MARCHF1: variants seen among roughly 807,000 people sequenced by gnomAD.
MARCHF1 encodes membrane associated ring-CH-type finger 1, also known as E3 ubiquitin-protein ligase MARCHF1.
Under a neutral mutation model 54.2 loss-of-function variants are expected in MARCHF1, and 40 were observed. The ratio of observed to expected loss-of-function variants is 0.74; its 90% CI spans 0.57 to 0.96. The LOEUF (loss-of-function observed/expected upper bound fraction) is 0.96. MARCHF1 is among the 40% of genes least tolerant of loss of function. MARCHF1 has a pLI of 0.00. For synonymous variants in MARCHF1, 236 were observed against 236.3 expected (o/e 1.00, Z 0.01); for missense variants, 586 against 656.5 (o/e 0.89, Z 1.17).
At chr4:164,151,253 T>C (rs746842125) in intron 1 of MARCHF1, among the ~76,000 whole-genome samples, 1 of 152,154 alleles carries the variant, frequency 6.6e-6, no homozygotes, top group Non-Finnish European at 1.5e-5. Flanking sequence ...AAGACAGTTC[T>C]AAGGAGAAAA....
At chr4:163,776,336 CTCTCTG>C (rs890344758) in intron 4 of MARCHF1, among the ~76,000 whole-genome samples, 18 of 151,540 alleles carry the variant, frequency 1.2e-4, no homozygotes, top group South Asian at 2.1e-4. Context: ...TTCTGTCTCT[CTCTCTG>C]TCTCTGTCTC....
At chr4:164,110,151 C>T (rs1195320007) in intron 2 of MARCHF1, among the ~76,000 whole-genome samples, 2 of 150,912 alleles carry the variant, frequency 1.3e-5, no homozygotes, top group Non-Finnish European at 3.0e-5. Context: ...CACACACACA[C>T]ACACACAGGT....
At chr4:163,682,440 C>T (rs1428943362) in intron 5 of MARCHF1, among the ~76,000 whole-genome samples, 1 of 152,170 alleles carries the variant, frequency 6.6e-6, no homozygotes, top group African/African-American at 2.4e-5. Context: ...TGTGGCAGCA[C>T]CTCCCATCAC....
chr4:164,263,780 CA>C (rs1378156914), intron 1 of MARCHF1, among the ~76,000 whole-genome samples: 2 of 152,114 alleles, frequency 1.3e-5, no homozygotes, highest in Admixed American at 6.5e-5. Context: ...AAATGCATAT[CA>C]AAACCATAAT....
At chr4:163,799,489 G>A (rs1748017609) in intron 4 of MARCHF1, among the ~76,000 whole-genome samples, 1 of 152,006 alleles carries the variant, frequency 6.6e-6, no homozygotes, top group Non-Finnish European at 1.5e-5. Flanking sequence ...GCTAAATCAG[G>A]CAAGTGTGAA....
chr4:163,668,586 G>A (rs1187953254), intron 5 of MARCHF1, among the ~76,000 whole-genome samples: 4 of 152,094 alleles, frequency 2.6e-5, no homozygotes, highest in African/African-American at 9.7e-5. Flanking sequence ...ATACATGTGG[G>A]ATGGAAACTG....
chr4:163,834,440 T>G (rs1749118593), intron 4 of MARCHF1, among the ~76,000 whole-genome samples: 4 of 152,168 alleles, frequency 2.6e-5, no homozygotes, highest in Non-Finnish European at 5.9e-5. Flanking sequence ...TTTCACATAT[T>G]GGATCTTTTT....
intron 1 of MARCHF1, among the ~76,000 whole-genome samples, chr4:164,161,941 A>G (rs772850776): frequency 6.6e-6 from 1 of 152,166 alleles, no homozygotes; most frequent in Non-Finnish European, 1.5e-5. Flanking sequence ...ATTTGGAGAA[A>G]CCCATGTTTA....
At chr4:164,124,682 G>A (rs1285197993) in intron 1 of MARCHF1, among the ~76,000 whole-genome samples, 1 of 152,042 alleles carries the variant, frequency 6.6e-6, no homozygotes, top group African/African-American at 2.4e-5. Flanking sequence ...GCACAAAAAG[G>A]CAAACATTGC....
Position 164,076,142 on chromosome 4 carries a change from C to T in MARCHF1, c.-248+35446G>A, listed in dbSNP as rs1424766474. On this transcript the variant is annotated intron_variant, in intron 2 of 9. Coordinates refer to ENST00000514618, the MANE Select transcript of MARCHF1 (RefSeq NM_001394959.1). ...ATTCAAACAAATAATTTTCTAACAA[C>T]AACAACAACAACAACAACAACAACA... Among the ~76,000 whole-genome samples, 4 of 95,234 alleles carry T rather than the reference C, an allele frequency of 4.2e-5. 1 individual carries two copies. The highest frequency in any genetic ancestry group is 8.7e-5 in the Non-Finnish European group (4 of 45,806). 62.5% of individuals were successfully genotyped at this position (95,234 alleles called of 152,430 possible). A position where few individuals can be genotyped will look rare whatever the true frequency, so the allele number is the denominator to read the frequency against.
At chr4:164,300,598 G>A (rs957547949) in intron 1 of MARCHF1, among the ~76,000 whole-genome samples, 1 of 152,094 alleles carries the variant, frequency 6.6e-6, no homozygotes, top group African/African-American at 2.4e-5. Flanking sequence ...CCAAGCTATA[G>A]GGGAGTGATC....
At chr4:163,644,259 T>C (rs1204660062) in intron 5 of MARCHF1, among the ~76,000 whole-genome samples, 2 of 152,096 alleles carry the variant, frequency 1.3e-5, no homozygotes, top group Non-Finnish European at 1.5e-5. Flanking sequence ...CATTGCAAAA[T>C]GTACTGTTGT....
intron 3 of MARCHF1, among the ~76,000 whole-genome samples, chr4:163,954,698 G>A (rs748189886): frequency 1.3e-5 from 2 of 152,122 alleles, no homozygotes; most frequent in Non-Finnish European, 2.9e-5. Context: ...ATTTGAATGT[G>A]TTTATAAATC....
chr4:163,817,557 G>C (rs1480853108), intron 4 of MARCHF1, among the ~76,000 whole-genome samples: 1 of 151,850 alleles, frequency 6.6e-6, no homozygotes, highest in Non-Finnish European at 1.5e-5. Flanking sequence ...TAGGTAATGA[G>C]ATCTACTTTC....
chr4:163,658,216 C>A (rs371022277), intron 5 of MARCHF1, among the ~76,000 whole-genome samples: 3 of 112,650 alleles, frequency 2.7e-5, no homozygotes, highest in Non-Finnish European at 5.3e-5. Context: ...AAGAAAAAAA[C>A]AAACAACCCC....
At chr4:164,028,712 C>T (rs1183326523) in intron 2 of MARCHF1, among the ~76,000 whole-genome samples, 1 of 152,054 alleles carries the variant, frequency 6.6e-6, no homozygotes, top group Non-Finnish European at 1.5e-5. Context: ...ACAGGTACCT[C>T]TTGAATCTAA....
rs544213356 is a variant in MARCHF1 at position 163,617,922 on chromosome 4, A to C, written c.163-4529T>G. ...ACATGATCATAATAAAACAAATGTC[A>C]TAATTCCACAGGTCTGAACAAATGT... On this transcript the variant is annotated intron_variant, in intron 5 of 9. Coordinates refer to ENST00000514618, the MANE Select transcript of MARCHF1 (RefSeq NM_001394959.1). Among the ~76,000 whole-genome samples, 3 of 152,318 alleles carry C rather than the reference A, an allele frequency of 2.0e-5. No homozygotes were observed. In the South Asian group the frequency reaches 6.2e-4, roughly 32 times the overall value.
At chr4:163,809,587 T>C (rs1748325647) in intron 4 of MARCHF1, among the ~76,000 whole-genome samples, 2 of 152,156 alleles carry the variant, frequency 1.3e-5, no homozygotes, top group Non-Finnish European at 2.9e-5. Flanking sequence ...CAATTTGTAT[T>C]AAAAGCCAGA....
intron 5 of MARCHF1, among the ~76,000 whole-genome samples, chr4:163,615,895 C>CA (rs1553997297): frequency 6.6e-6 from 1 of 152,046 alleles, no homozygotes; most frequent in Non-Finnish European, 1.5e-5. Context: ...ACCCATGGAA[C>CA]ACAACAGGGA....
Sources: gnomAD v4.1 joint callset for allele counts (sites outside exome capture counted in the v4.1 genomes callset) on GRCh38, gnomAD v4.1.1 for gene constraint, MANE v1.5 for transcripts, NCBI Gene and HGNC (gene_info 2026-07-23, HGNC 2026-07-21) for gene names.